SLMAP: variants seen among roughly 807,000 people sequenced by gnomAD.
SLMAP encodes sarcolemmal membrane-associated protein.
SLMAP carries 44 observed loss-of-function variants against 128.8 expected under a neutral mutation model. The observed-to-expected ratio is 0.34, with a 90% CI of 0.27 to 0.44. The LOEUF is 0.44. SLMAP is among the 20% of genes least tolerant of loss of function. The pLI is 1.00. For missense variants in SLMAP, 787 were observed against 985.3 expected (o/e 0.80, Z 2.69); for synonymous variants, 327 against 348.8 (o/e 0.94, Z 0.70).
intron 2 of SLMAP, among the ~76,000 whole-genome samples, chr3:57,775,951 G>A (rs2081848645): frequency 6.6e-6 from 1 of 151,976 alleles, no homozygotes; most frequent in Non-Finnish European, 1.5e-5. Flanking sequence ...CAGCTGCCTC[G>A]GCCTCCCAAA....
At chr3:57,920,516 C>T (rs540364019) in intron 22 of SLMAP, among the ~76,000 whole-genome samples, 147 of 152,160 alleles carry the variant, frequency 9.7e-4, no homozygotes, top group Non-Finnish European at 1.6e-3. Context: ...TAAGTCATTC[C>T]AAGGTGTTTA....
intron 3 of SLMAP, among the ~76,000 whole-genome samples, chr3:57,839,185 C>G (rs113351173): frequency 4.6e-5 from 7 of 152,146 alleles, no homozygotes; most frequent in African/African-American, 9.6e-5. Context: ...GTGATCCCCC[C>G]ACCTCAGCCT....
chr3:57,847,258 CCA>C, intron 5 of SLMAP, 25 bp downstream of exon 5: 1 of 1,574,484 alleles, frequency 6.4e-7, no homozygotes, highest in South Asian at 1.1e-5. Flanking sequence ...ATTATTTTTT[CCA>C]AACTGACTCA....
intron 2 of SLMAP, among the ~76,000 whole-genome samples, chr3:57,824,307 A>G (rs775802951): frequency 1.3e-5 from 2 of 152,222 alleles, no homozygotes; most frequent in Non-Finnish European, 2.9e-5. Context: ...CAACATATGC[A>G]TTGTGGTAAT....
intron 2 of SLMAP, among the ~76,000 whole-genome samples, chr3:57,796,947 A>G (rs2086872500): frequency 6.6e-6 from 1 of 152,070 alleles, no homozygotes; most frequent in Non-Finnish European, 1.5e-5. Flanking sequence ...TGGGAGACCG[A>G]GGTGAGAGAT....
chr3:57,779,143 A>G (rs1017745415), intron 2 of SLMAP, among the ~76,000 whole-genome samples: 8 of 152,290 alleles, frequency 5.3e-5, no homozygotes, highest in African/African-American at 1.7e-4. Context: ...ATGCAGATCA[A>G]TCTCAGAAAT....
intron 2 of SLMAP, among the ~76,000 whole-genome samples, chr3:57,774,043 A>G (rs1049137239): frequency 6.6e-6 from 1 of 152,182 alleles, no homozygotes; most frequent in Non-Finnish European, 1.5e-5. Flanking sequence ...GTAATTGTCC[A>G]AGCAAAAGGT....
intron 2 of SLMAP, among the ~76,000 whole-genome samples, chr3:57,808,203 A>C (rs996363972): frequency 6.6e-5 from 10 of 152,054 alleles, no homozygotes; most frequent in Admixed American, 5.9e-4. Context: ...TTTTCAAAAA[A>C]TTAGCCCCTA....
chr3:57,817,177 C>T (rs1004174733), intron 2 of SLMAP, among the ~76,000 whole-genome samples: 1 of 151,920 alleles, frequency 6.6e-6, no homozygotes, highest in Non-Finnish European at 1.5e-5. Context: ...ATTATCTTGG[C>T]AATGGTTAGG....
intron 2 of SLMAP, among the ~76,000 whole-genome samples, chr3:57,787,357 T>C (rs2084430035): frequency 6.6e-6 from 1 of 152,234 alleles, no homozygotes; most frequent in African/African-American, 2.4e-5. Flanking sequence ...TGCTTTGTCA[T>C]GGACTGAATC....
At chr3:57,884,536 A>T (rs1304260823) in intron 14 of SLMAP, among the ~76,000 whole-genome samples, 1 of 152,198 alleles carries the variant, frequency 6.6e-6, no homozygotes, top group Non-Finnish European at 1.5e-5. Context: ...AAACTGTCCC[A>T]AAGTGTTTAA....
chr3:57,872,261 C>T (rs1191602588), intron 14 of SLMAP, among the ~76,000 whole-genome samples: 2 of 152,238 alleles, frequency 1.3e-5, no homozygotes, highest in African/African-American at 4.8e-5. Context: ...GAGATCGCAC[C>T]ATTGCACTCC....
rs1186189161 is a variant in SLMAP at position 57,869,643 on chromosome 3, T to TATATATATATA, written c.1238-1992_1238-1982dup. 2.1e-4 allele frequency among the ~76,000 whole-genome samples: 27 copies of TATATATATATA among 129,708 alleles called. 1 individual carries two copies. Among genetic ancestry groups the TATATATATATA allele is most frequent in the African/African-American group, 7.3e-4 (24 of 32,852 alleles). 85.1% of individuals were successfully genotyped at this position (129,708 alleles called of 152,430 possible). The stretch of plus-strand genomic sequence containing the variant: ...ATCCCATCTCTATTATATATATATA[T>TATATATATATA]ATATATATATATATATAATATATAT... On this transcript the variant is annotated intron_variant, in intron 13 of 24. Transcript: ENST00000671191.
chr3:57,912,282 C>A, intron 19 of SLMAP, 99 bp from the exon 20 acceptor site: 1 of 978,652 alleles, frequency 1.0e-6, no homozygotes, highest in Non-Finnish European at 1.6e-6. Context: ...TAATCAAAAG[C>A]AACAGCTCTG....
At chr3:57,847,131 T>C in intron 4 of SLMAP, 66 bp from the exon 5 acceptor site, 1 of 969,916 alleles carries the variant, frequency 1.0e-6, no homozygotes, top group East Asian at 2.4e-5. Flanking sequence ...GATATTCTGG[T>C]GCTCTCATAC....
intron 17 of SLMAP, chr3:57,898,456 T>C (rs1349958695): frequency 1.3e-5 from 2 of 152,196 alleles, no homozygotes; most frequent in African/African-American, 4.8e-5. Flanking sequence ...TTTTTTTCTT[T>C]TTGTAGGTAC....
intron 10 of SLMAP, among the ~76,000 whole-genome samples, chr3:57,864,080 CA>C (rs2095217616): frequency 6.6e-6 from 1 of 152,150 alleles, no homozygotes; most frequent in Non-Finnish European, 1.5e-5. Flanking sequence ...TTTTTGACAT[CA>C]AGCCTTTGTC....
At chr3:57,891,976 T>G (rs1231345496) in intron 15 of SLMAP, among the ~76,000 whole-genome samples, 2 of 152,178 alleles carry the variant, frequency 1.3e-5, no homozygotes, top group Non-Finnish European at 2.9e-5. Flanking sequence ...GGTCCATTAA[T>G]AAGGGTATTT....
At chr3:57,841,485 TAATA>T in intron 4 of SLMAP, 114 bp downstream of exon 4, 1 of 467,116 alleles carries the variant, frequency 2.1e-6, no homozygotes, top group Non-Finnish European at 3.8e-6. Context: ...ACTATTTAAA[TAATA>T]TTAGAAAATT....
Sources: allele counts gnomAD v4.1 joint callset (sites outside exome capture counted in the v4.1 genomes callset), GRCh38; gene constraint gnomAD v4.1.1; transcripts MANE v1.5; gene names NCBI Gene and HGNC (gene_info 2026-07-23, HGNC 2026-07-21).